CNTNAP5: variants seen among roughly 807,000 people sequenced by gnomAD.
The protein encoded by CNTNAP5 is contactin associated protein family member 5.
In CNTNAP5, 72 loss-of-function variants were observed where a neutral mutation model predicts 150.2. The ratio of observed to expected loss-of-function variants is 0.48; its 90% CI spans 0.40 to 0.58. The LOEUF is 0.58. Among genes scored for constraint, CNTNAP5 ranks in the 20% least tolerant of loss-of-function variants. The pLI is 0.00. For missense variants in CNTNAP5, 1,636 were observed against 1,626.2 expected, an observed-to-expected ratio of 1.01 and a Z score of -0.10; for synonymous variants, 672 against 619.8, an observed-to-expected ratio of 1.08 and a Z score of -1.25.
At chr2:124,894,140 T>C (rs1398043954) in intron 21 of CNTNAP5, among the ~76,000 whole-genome samples, 9 of 152,130 alleles carry the variant, frequency 5.9e-5, no homozygotes, top group Non-Finnish European at 1.0e-4. Context: ...CCAAGAGTGC[T>C]GTTACTTGTT....
intron 2 of CNTNAP5, among the ~76,000 whole-genome samples, chr2:124,237,928 G>T (rs1485624467): frequency 6.6e-6 from 1 of 152,118 alleles, no homozygotes; most frequent in Admixed American, 6.6e-5. Context: ...TAAGATGTTG[G>T]TTCCTATTGA....
chr2:124,821,212 A>G (rs1682479212), intron 19 of CNTNAP5, among the ~76,000 whole-genome samples: 1 of 152,232 alleles, frequency 6.6e-6, no homozygotes, highest in Non-Finnish European at 1.5e-5. Context: ...CACTCCACTT[A>G]CCGATAAGAA....
At chr2:124,241,865 T>C (rs945457605) in intron 2 of CNTNAP5, among the ~76,000 whole-genome samples, 1 of 152,118 alleles carries the variant, frequency 6.6e-6, no homozygotes, top group African/African-American at 2.4e-5. Context: ...TTCATATATA[T>C]CTGCAATCAA....
intron 21 of CNTNAP5, among the ~76,000 whole-genome samples, chr2:124,891,976 T>C (rs1678204372): frequency 6.6e-6 from 1 of 151,998 alleles, no homozygotes; most frequent in African/African-American, 2.4e-5. Flanking sequence ...CCCTGGAACA[T>C]AGGGGTGATG....
At chr2:124,251,140 T>C (rs1687163071) in intron 3 of CNTNAP5, among the ~76,000 whole-genome samples, 1 of 152,172 alleles carries the variant, frequency 6.6e-6, no homozygotes. Flanking sequence ...CTGCTGTGGC[T>C]GCTCTTGGAA....
intron 7 of CNTNAP5, among the ~76,000 whole-genome samples, chr2:124,487,317 G>A (rs898737636): frequency 1.3e-5 from 2 of 152,036 alleles, no homozygotes; most frequent in Non-Finnish European, 2.9e-5. Context: ...AGATTGACTA[G>A]GTCTTCAAGA....
intron 3 of CNTNAP5, among the ~76,000 whole-genome samples, chr2:124,340,398 G>A (rs948217107): frequency 2.6e-5 from 4 of 152,130 alleles, no homozygotes; most frequent in Admixed American, 6.6e-5. Flanking sequence ...CTCTTTATGG[G>A]TTGGGGAGCG....
At chr2:124,529,291 C>T (rs935567345) in intron 10 of CNTNAP5, among the ~76,000 whole-genome samples, 1 of 152,086 alleles carries the variant, frequency 6.6e-6, no homozygotes, top group African/African-American at 2.4e-5. Flanking sequence ...CAACAGGGGT[C>T]TCTTATGCTA....
chr2:124,890,483 T>A (rs1286037471), intron 21 of CNTNAP5, among the ~76,000 whole-genome samples: 1 of 152,102 alleles, frequency 6.6e-6, no homozygotes, highest in African/African-American at 2.4e-5. Flanking sequence ...CCCCTCCTTA[T>A]CTCTGCCACC....
At chr2:124,039,243 A>C (rs1378205199) in intron 1 of CNTNAP5, among the ~76,000 whole-genome samples, 2 of 152,194 alleles carry the variant, frequency 1.3e-5, no homozygotes, top group African/African-American at 2.4e-5. Context: ...CATTCCAGGC[A>C]TTCCCTTGGG....
chr2:124,524,299 G>T lies in CNTNAP5; in HGVS notation c.1328-4G>T. ...CTATGCTTACTCTCTTGTTTCTCTT[G>T]CAGGCAGCAACTTGAATGATGGCCT... On this transcript the variant is annotated splice_polypyrimidine_tract_variant and splice_region_variant and intron_variant, in intron 8 of 23. Coordinates refer to ENST00000682447, the MANE Select transcript of CNTNAP5 (RefSeq NM_001367498.1). 6.2e-7 allele frequency: 1 copy of T among 1,613,590 alleles called. No individual in the cohort carries two copies. The highest frequency in any genetic ancestry group is 2.2e-5 in the East Asian group (1 of 44,834).
At chr2:124,189,596 G>A (rs1261900274) in intron 1 of CNTNAP5, among the ~76,000 whole-genome samples, 1 of 152,194 alleles carries the variant, frequency 6.6e-6, no homozygotes, top group Admixed American at 6.5e-5. Context: ...AGACAGCCAT[G>A]CATAATCTTC....
chr2:124,254,563 T>G (rs1558821228), intron 3 of CNTNAP5, among the ~76,000 whole-genome samples: 1 of 152,178 alleles, frequency 6.6e-6, no homozygotes, highest in Non-Finnish European at 1.5e-5. Context: ...GGAAACAAGG[T>G]AAACCACCAG....
intron 1 of CNTNAP5, among the ~76,000 whole-genome samples, chr2:124,072,960 C>T (rs1682345432): frequency 6.6e-6 from 1 of 152,128 alleles, no homozygotes; most frequent in African/African-American, 2.4e-5. Context: ...TCAAATAATA[C>T]TACAGAACTA....
Position 124,915,303 on chromosome 2 carries a change from A to G in CNTNAP5, c.*1015A>G, listed in dbSNP as rs1342314859. On this transcript the variant is annotated 3_prime_UTR_variant, in exon 24 of 24. Transcript: ENST00000682447. Reference sequence around the variant, plus strand: ...AAAGTTTAAAATAGTACCCGGTTCAATGAAAGAGCCTAAACCATCTTAACT... The same window carrying G: ...AAAGTTTAAAATAGTACCCGGTTCAGTGAAAGAGCCTAAACCATCTTAACT... 1 of 166,768 alleles carries G rather than the reference A, an allele frequency of 6.0e-6. No individual in the cohort carries two copies. Among genetic ancestry groups the G allele is most frequent in the Non-Finnish European group, 1.5e-5 (1 of 68,030 alleles). 10.3% of individuals were successfully genotyped at this position (166,768 alleles called of 1,614,324 possible).
intron 3 of CNTNAP5, among the ~76,000 whole-genome samples, chr2:124,253,513 A>T (rs1347539120): frequency 6.6e-6 from 1 of 152,218 alleles, no homozygotes; most frequent in African/African-American, 2.4e-5. Context: ...TACTTTAAAA[A>T]GCAACAATTG....
At chr2:124,138,747 C>G (rs1288241492) in intron 1 of CNTNAP5, among the ~76,000 whole-genome samples, 1 of 152,072 alleles carries the variant, frequency 6.6e-6, no homozygotes, top group African/African-American at 2.4e-5. Flanking sequence ...TATTATTTGT[C>G]TAGAATCTCC....
chr2:124,785,294 A>T (rs1681541252), intron 17 of CNTNAP5, among the ~76,000 whole-genome samples: 1 of 152,206 alleles, frequency 6.6e-6, no homozygotes, highest in South Asian at 2.1e-4. Flanking sequence ...GCCCTATCTT[A>T]AAGGAGCTGA....
intron 13 of CNTNAP5, among the ~76,000 whole-genome samples, chr2:124,719,455 C>A (rs757620593): frequency 2.0e-5 from 3 of 152,040 alleles, no homozygotes; most frequent in Non-Finnish European, 4.4e-5. Flanking sequence ...ACAGCTGAAC[C>A]GAGTAGTAAG....
Sources: gnomAD v4.1 joint callset for allele counts (sites outside exome capture counted in the v4.1 genomes callset) on GRCh38, gnomAD v4.1.1 for gene constraint, MANE v1.5 for transcripts, NCBI Gene and HGNC (gene_info 2026-07-23, HGNC 2026-07-21) for gene names.